THPO: variants seen among roughly 807,000 people sequenced by gnomAD.
THPO encodes MPL ligand.
In THPO, 12 loss-of-function variants were observed where a neutral mutation model predicts 17.0. The observed-to-expected ratio is 0.71, with a 90% confidence interval of 0.45 to 1.14. The LOEUF (loss-of-function observed/expected upper bound fraction) is 1.14, where lower values mean the gene tolerates loss of function less well. Among genes scored for constraint, THPO ranks in the 50% most tolerant of loss-of-function variants. The pLI is 0.00. For synonymous variants in THPO, 188 were observed against 183.0 expected (o/e 1.03, Z -0.22); for missense variants, 365 against 427.5 (o/e 0.85, Z 1.29).
At position 184,375,911 on chromosome 3, in the gene THPO, A is replaced by G. The variant is rs952648408; in HGVS notation, c.118T>C (p.Ser40Pro). 6.2e-7 allele frequency: 1 copy of G among 1,613,238 alleles called. No individual in the cohort carries two copies. The highest frequency in any genetic ancestry group is 1.3e-5 in the African/African-American group (1 of 74,810). Residue 40 changes from serine (S) to proline (P), a missense_variant, in exon 3 of 6, where the codon TCC (serine) becomes CCC (proline). Coordinates refer to ENST00000647395, the MANE Select transcript of THPO (RefSeq NM_000460.4). ...ACCAGTCTGCTGTGAAGGACATGGGAGTCACGAAGCAGTTTACTGAGGACT... is the reference window on the plus strand; with the variant it reads ...ACCAGTCTGCTGTGAAGGACATGGGGGTCACGAAGCAGTTTACTGAGGACT... The part of the protein sequence containing the change: ...LRVLSKLLRD[S>P]HVLHSRLSQC...
intron 1 of THPO, among the ~76,000 whole-genome samples, chr3:184,377,427 GCCCAC>G (rs1208901055): frequency 6.6e-6 from 1 of 152,182 alleles, no homozygotes; most frequent in East Asian, 1.9e-4. Context: ...GCTGGGTGAT[GCCCAC>G]CTTAGGGGCT....
intron 5 of THPO, 63 bp downstream of exon 5, chr3:184,373,352 G>T: frequency 6.2e-7 from 1 of 1,600,350 alleles, no homozygotes; most frequent in Non-Finnish European, 8.6e-7. Flanking sequence ...CTTCCCTCAG[G>T]TCTTCTAGGG....
chr3:184,372,929 A>T lies in THPO; in HGVS notation c.646T>A (p.Ser216Thr). ...CCCTGCTGCCACTTCAGAAGCCCAGAGCCAGTAGTTCTGGCTGAGGCAGTG... is the reference window on the plus strand; with the variant it reads ...CCCTGCTGCCACTTCAGAAGCCCAGTGCCAGTAGTTCTGGCTGAGGCAGTG... The part of the protein sequence containing the change: ...NFTASARTTG[S>T]GLLKWQQGFR... Residue 216 changes from serine to threonine, a missense_variant, in exon 6 of 6, where the codon TCT (serine) becomes ACT (threonine). By Grantham distance (58) the Ser-to-Thr change is moderately conservative (BLOSUM62 1). Transcript: ENST00000647395. 1 of 1,614,178 alleles carries T rather than the reference A, an allele frequency of 6.2e-7. No homozygotes were observed. Among genetic ancestry groups the T allele is most frequent in the Non-Finnish European group, 8.5e-7 (1 of 1,180,022 alleles).
chr3:184,376,794 G>A (rs977777909), intron 1 of THPO, among the ~76,000 whole-genome samples: 3 of 150,962 alleles, frequency 2.0e-5, no homozygotes, highest in Non-Finnish European at 4.4e-5. Context: ...GTGGTGAGCC[G>A]AGATCGCACC....
At chr3:184,377,865 C>T (rs116251431) in intron 1 of THPO, among the ~76,000 whole-genome samples, 20 of 152,186 alleles carry the variant, frequency 1.3e-4, no homozygotes, top group African/African-American at 4.3e-4. Flanking sequence ...CTGTATTCCA[C>T]CAAGTAAGTG....
Position 184,375,541 on chromosome 3 carries a change from T to G in THPO, c.202A>C (p.Ser68Arg). ...ATCTGGGTTTTCCATTCTCCCAAGC[T>G]AAAGTCCACAGCAGGCAGCAGGACA... Reference protein sequence around the residue: ...TPVLLPAVDFSLGEWKTQMEE... With the variant: ...TPVLLPAVDFRLGEWKTQMEE... The change falls in exon 4 of 6, where the codon AGC becomes CGC. Residue 68 changes from serine to arginine, a missense_variant. Transcript: ENST00000647395. The G allele has an allele frequency of 6.2e-7, 1 of 1,614,138 alleles. No individual in the cohort carries two copies. Among genetic ancestry groups the G allele is most frequent in the South Asian group, 1.1e-5 (1 of 91,082 alleles).
In THPO at chr3:184,372,873, G is replaced by A. The variant is rs1714032751; in HGVS notation, c.702C>T (p.Asn234=). The change falls in exon 6 of 6, where the codon AAC becomes AAT. Residue 234 remains asparagine (N), a synonymous_variant. Coordinates refer to ENST00000647395, the MANE Select transcript of THPO (RefSeq NM_000460.4). The part of the protein sequence containing the change: ...GFRAKIPGLL[N]QTSRSLDQIP... The stretch of plus-strand genomic sequence containing the variant: ...TTTGGTCCAGGGACCTGGAGGTTTG[G>A]TTCAGCAGACCAGGAATCTTGGCTC... 1.2e-6 allele frequency: 2 copies of A among 1,614,110 alleles called. No homozygotes were observed. Among genetic ancestry groups the A allele is most frequent in the East Asian group, 4.5e-5 (2 of 44,886 alleles).
chr3:184,375,199 C>T (rs1231457980), intron 4 of THPO, among the ~76,000 whole-genome samples: 1 of 152,216 alleles, frequency 6.6e-6, no homozygotes, highest in African/African-American at 2.4e-5. Flanking sequence ...TTTGTGTCAT[C>T]TGTGGATGAC....
In THPO at chr3:184,372,756, G is replaced by T. The variant is rs769502753; in HGVS notation, c.819C>A (p.Asp273Glu). The change falls in exon 6 of 6, where the codon GAC becomes GAA. Residue 273 changes from aspartate (D) to glutamate (E), a missense_variant. Transcript: ENST00000647395. ...GPSRRTLGAP[D>E]ISSGTSDTGS... ...CTGTGTCTGATGTTCCTGAGGAAAT[G>T]TCCGGGGCTCCTAGGGTCCTGCGTG... 1.2e-6 allele frequency: 2 copies of T among 1,613,988 alleles called. No homozygotes were observed. The highest frequency in any genetic ancestry group is 1.7e-6 in the Non-Finnish European group (2 of 1,179,948).
chr3:184,372,554 T>G lies in THPO; in HGVS notation c.1021A>C (p.Thr341Pro), dbSNP rs771446571. Residue 341 changes from threonine to proline, a missense_variant, in exon 6 of 6, where the codon ACA becomes CCA. Coordinates refer to ENST00000647395, the MANE Select transcript of THPO (RefSeq NM_000460.4). Reference sequence around the variant, plus strand: ...AGATTCTGGGAGTGGGTGTAGGATGTGTTTAGAAGAGGGCTGGTAGGGGTG... The same window carrying G: ...AGATTCTGGGAGTGGGTGTAGGATGGGTTTAGAAGAGGGCTGGTAGGGGTG... Reference protein sequence around the residue: ...TPTPTSPLLNTSYTHSQNLSQ... With the variant: ...TPTPTSPLLNPSYTHSQNLSQ... 1 of 1,613,484 alleles carries G rather than the reference T, an allele frequency of 6.2e-7. No individual in the cohort carries two copies. The highest frequency in any genetic ancestry group is 8.5e-7 in the Non-Finnish European group (1 of 1,179,912).
upstream of THPO, chr3:184,378,337 TA>T (rs1260155751): frequency 1.0e-6 from 1 of 985,470 alleles, no homozygotes; most frequent in African/African-American, 1.7e-5. Flanking sequence ...AAGATTTGGA[TA>T]GGGGGATCCA....
Position 184,372,484 on chromosome 3 carries a change from A to G in THPO, c.*29T>C, listed in dbSNP as rs1577353401. ...CAGGGAAGGGAGCTGTACACGAGAC[A>G]ATGCTGATGTCGGCAGTGTCTGAGA... On this transcript the variant is annotated 3_prime_UTR_variant, in exon 6 of 6. Transcript: ENST00000647395. The G allele has an allele frequency of 1.9e-6, 3 of 1,613,742 alleles. No individual in the cohort carries two copies. Among genetic ancestry groups the G allele is most frequent in the East Asian group, 2.2e-5 (1 of 44,886 alleles).
chr3:184,376,048 G>A (rs761807445), intron 2 of THPO, 33 bp from the exon 3 acceptor site: 1 of 1,613,816 alleles, frequency 6.2e-7, no homozygotes, highest in Admixed American at 1.7e-5. Flanking sequence ...TGAAAGATGA[G>A]GAGGAAATCA....
At chr3:184,378,347 C>T (rs564420961), upstream of THPO, 483 of 985,516 alleles carry the variant, frequency 4.9e-4, no homozygotes, top group Non-Finnish European at 5.4e-4. Flanking sequence ...TAGGGGGATC[C>T]ATCTTTTCCT....
Position 184,372,876 on chromosome 3 carries a change from C to A in THPO, c.699G>T (p.Leu233=), listed in dbSNP as rs773271992. The A allele has an allele frequency of 1.2e-5, 20 of 1,614,010 alleles. No individual in the cohort carries two copies. In the South Asian group the frequency reaches 2.2e-4, roughly 18 times the overall value. Residue 233 remains leucine (L), a synonymous_variant, in exon 6 of 6, where the codon CTG becomes CTT. Coordinates refer to ENST00000647395, the MANE Select transcript of THPO (RefSeq NM_000460.4). The part of the protein sequence containing the change: ...QGFRAKIPGL[L]NQTSRSLDQI... Reference sequence around the variant, plus strand: ...GGTCCAGGGACCTGGAGGTTTGGTTCAGCAGACCAGGAATCTTGGCTCTGA... The same window carrying A: ...GGTCCAGGGACCTGGAGGTTTGGTTAAGCAGACCAGGAATCTTGGCTCTGA...
chr3:184,373,631 A>G (rs760371663), intron 4 of THPO, 49 bp from the exon 5 acceptor site: 45 of 1,604,120 alleles, frequency 2.8e-5, no homozygotes, highest in Non-Finnish European at 3.7e-5. Flanking sequence ...AGGGCACACT[A>G]AAAGCGGGTG....
chr3:184,378,730 G>A (rs1007061485), upstream of THPO: 21 of 878,690 alleles, frequency 2.4e-5, no homozygotes, highest in African/African-American at 9.1e-5. Context: ...ATGTATGTGC[G>A]CACACGTGCA....
Position 184,372,985 on chromosome 3 carries a change from T to A in THPO, c.590A>T (p.Asn197Ile), listed in dbSNP as rs1284651132. Reference protein sequence around the residue: ...SLVLTLNELPNRTSGLLETNF... With the variant: ...SLVLTLNELPIRTSGLLETNF... ...TGTCTCCAACAATCCAGAAGTCCTG[T>A]TTGGGAGCTCGTTCAGTGTGAGGAC... The change falls in exon 6 of 6, where the codon AAC becomes ATC. Residue 197 changes from asparagine to isoleucine, a missense_variant. Coordinates refer to ENST00000647395, the MANE Select transcript of THPO (RefSeq NM_000460.4). 6.2e-7 allele frequency: 1 copy of A among 1,613,948 alleles called. No homozygotes were observed. Among genetic ancestry groups the A allele is most frequent in the East Asian group, 2.2e-5 (1 of 44,886 alleles).
intron 4 of THPO, among the ~76,000 whole-genome samples, chr3:184,374,313 C>T (rs1244958679): frequency 6.6e-6 from 1 of 152,082 alleles, no homozygotes; most frequent in Non-Finnish European, 1.5e-5. Flanking sequence ...TAGAAGGGAC[C>T]CATAGGAACT....
Sources: gnomAD v4.1 joint callset for allele counts (sites outside exome capture counted in the v4.1 genomes callset) on GRCh38, gnomAD v4.1.1 for gene constraint, MANE v1.5 for transcripts, NCBI Gene and HGNC (gene_info 2026-07-23, HGNC 2026-07-21) for gene names.